CFAP251: variants seen among roughly 807,000 people sequenced by gnomAD.
CFAP251 encodes cilia- and flagella-associated protein 251.
Under a neutral mutation model 126.7 loss-of-function variants are expected in CFAP251, and 93 were observed. The observed-to-expected ratio is 0.73, with a 90% CI of 0.62 to 0.87. The LOEUF is 0.87. CFAP251 is among the 40% of genes least tolerant of loss of function. The pLI is 0.00. For synonymous variants in CFAP251, 503 were observed against 506.9 expected, an observed-to-expected ratio of 0.99 and a Z score of 0.10; for missense variants, 1,287 against 1,389.2, an observed-to-expected ratio of 0.93 and a Z score of 1.17.
rs1159106051 is a variant in CFAP251, at chr12:121,966,427, A to ATTTT, written c.2493-507_2493-504dup. Among the ~76,000 whole-genome samples the ATTTT allele has an allele frequency of 2.4e-3, 131 of 54,704 alleles. 7 individuals carry two copies. The highest frequency in any genetic ancestry group is 5.3e-3 in the South Asian group (6 of 1,134). 35.9% of individuals were successfully genotyped at this position (54,704 alleles called of 152,430 possible). A position where few individuals can be genotyped will look rare whatever the true frequency, so the allele number is the denominator to read the frequency against. ...AGGCGCGCACCACTATGCCTGGCTA[A>ATTTT]TTTTTTTTTTTTTTTTTTTTTTTTA... is the stretch of plus-strand genomic sequence containing the variant. On this transcript the variant is annotated intron_variant, in intron 15 of 21. Transcript: ENST00000288912.
intron 19 of CFAP251, chr12:121,992,592 C>A: frequency 1.3e-6 from 1 of 772,152 alleles, no homozygotes; most frequent in Non-Finnish European, 1.6e-6. Context: ...CTTTTTCAGA[C>A]AGGGTCTTAC....
chr12:121,930,476 ACT>A (rs112782487), intron 3 of CFAP251, among the ~76,000 whole-genome samples: 38,475 of 151,396 alleles, frequency 0.25, 5,973 homozygotes, highest in East Asian at 0.5. Flanking sequence ...ACAGAGTGAG[ACT>A]CTGTTCCCTC....
At chr12:121,964,145 T>TTTGTTGTTGTTGTTG (rs10581852) in intron 15 of CFAP251, among the ~76,000 whole-genome samples, 2 of 149,758 alleles carry the variant, frequency 1.3e-5, no homozygotes, top group African/African-American at 4.9e-5. Flanking sequence ...CCACCCGGGA[T>TTTGTTGTTGTTGTTG]TTGTTGTTGT....
intron 3 of CFAP251, among the ~76,000 whole-genome samples, chr12:121,931,458 A>G (rs1480208810): frequency 6.6e-6 from 1 of 152,138 alleles, no homozygotes; most frequent in Non-Finnish European, 1.5e-5. Context: ...GATTACAGGC[A>G]TGCATCACCA....
At chr12:121,941,656 G>C (rs1321530113) in intron 5 of CFAP251, among the ~76,000 whole-genome samples, 1 of 152,070 alleles carries the variant, frequency 6.6e-6, no homozygotes, top group Non-Finnish European at 1.5e-5. Flanking sequence ...ATATGGTTAT[G>C]CTATAATATC....
chr12:121,955,626 A>G (rs773850239), intron 10 of CFAP251: 1 of 152,212 alleles, frequency 6.6e-6, no homozygotes, highest in East Asian at 1.9e-4. Flanking sequence ...GACGCTACCC[A>G]TATGGTTAGA....
chr12:121,928,755 A>G (rs2135749833), intron 3 of CFAP251, among the ~76,000 whole-genome samples: 2 of 149,586 alleles, frequency 1.3e-5, no homozygotes, highest in Middle Eastern at 6.8e-3. Context: ...GCAGTGCAGC[A>G]TGACGATCTC....
At chr12:121,942,488 C>T in intron 5 of CFAP251, 46 bp from the exon 6 acceptor site, 1 of 1,445,798 alleles carries the variant, frequency 6.9e-7, no homozygotes, top group Non-Finnish European at 9.6e-7. Context: ...CTCTGGGAAG[C>T]CAGGGAGACC....
chr12:121,968,483 C>T (rs1264741211), intron 17 of CFAP251, among the ~76,000 whole-genome samples: 3 of 152,208 alleles, frequency 2.0e-5, no homozygotes, highest in African/African-American at 7.2e-5. Flanking sequence ...CCCTCCAAAG[C>T]ATATACTACG....
At chr12:121,971,680 T>C in intron 17 of CFAP251, 1 of 701,320 alleles carries the variant, frequency 1.4e-6, no homozygotes, top group Non-Finnish European at 2.6e-6. Flanking sequence ...CAGCCAGGGC[T>C]TTCTAAGTCC....
chr12:121,941,330 CTTT>C (rs68005842), intron 5 of CFAP251, among the ~76,000 whole-genome samples: 9 of 87,708 alleles, frequency 1.0e-4, no homozygotes, highest in Admixed American at 1.3e-4. Context: ...CCATGCTGGC[CTTT>C]TTTTTTTTTT....
At chr12:121,922,169 G>A (rs545197774) in intron 2 of CFAP251, among the ~76,000 whole-genome samples, 8 of 145,906 alleles carry the variant, frequency 5.5e-5, no homozygotes, top group East Asian at 4.1e-4. Flanking sequence ...GTGCAATGGC[G>A]TGATCTCGGC....
intron 3 of CFAP251, among the ~76,000 whole-genome samples, chr12:121,931,307 C>T (rs1268232196): frequency 1.3e-5 from 2 of 152,018 alleles, no homozygotes; most frequent in Non-Finnish European, 2.9e-5. Flanking sequence ...GTAAAATACA[C>T]GGAACATTAA....
At chr12:121,944,509 A>G (rs1288706862) in intron 7 of CFAP251, among the ~76,000 whole-genome samples, 1 of 152,220 alleles carries the variant, frequency 6.6e-6, no homozygotes, top group East Asian at 1.9e-4. Flanking sequence ...CTTCCAATCC[A>G]TGAGCATGGG....
chr12:121,986,591 G>C (rs138644593), intron 19 of CFAP251, among the ~76,000 whole-genome samples: 1 of 150,788 alleles, frequency 6.6e-6, no homozygotes, highest in African/African-American at 2.4e-5. Flanking sequence ...GAGCCACCGC[G>C]CCCAGCCGAA....
intron 10 of CFAP251, among the ~76,000 whole-genome samples, chr12:121,956,284 G>A (rs149986482): frequency 8.3e-4 from 126 of 152,298 alleles, no homozygotes; most frequent in African/African-American, 2.9e-3. Context: ...ATTGTCATCT[G>A]TAGTTATATG....
intron 19 of CFAP251, among the ~76,000 whole-genome samples, chr12:121,987,276 C>T (rs1385097217): frequency 2.0e-5 from 3 of 150,626 alleles, no homozygotes; most frequent in African/African-American, 7.5e-5. Flanking sequence ...TCCTGGCCAA[C>T]AGAGAGTCCG....
chr12:121,946,174 T>C (rs577328978), intron 7 of CFAP251, among the ~76,000 whole-genome samples: 1 of 152,238 alleles, frequency 6.6e-6, no homozygotes, highest in Non-Finnish European at 1.5e-5. Flanking sequence ...AAATGGACTC[T>C]GTTTGCAGAG....
At chr12:121,976,867 C>T (rs1882473310) in intron 19 of CFAP251, among the ~76,000 whole-genome samples, 1 of 152,146 alleles carries the variant, frequency 6.6e-6, no homozygotes, top group Non-Finnish European at 1.5e-5. Flanking sequence ...GTGATTGTGC[C>T]ACTGCACTCC....
Sources: gnomAD v4.1 joint callset for allele counts (sites outside exome capture counted in the v4.1 genomes callset) on GRCh38, gnomAD v4.1.1 for gene constraint, MANE v1.5 for transcripts, NCBI Gene and HGNC (gene_info 2026-07-23, HGNC 2026-07-21) for gene names.